The following RHEX variants were observed in gnomAD, a reference collection of about 807,000 sequenced individuals.
RHEX encodes the protein regulator of hemoglobinization and erythroid cell expansion protein.
A neutral mutation model predicts 20.1 loss-of-function variants in RHEX; 18 were observed. The ratio of observed to expected loss-of-function variants is 0.90; its 90% CI spans 0.62 to 1.33. RHEX has a LOEUF of 1.33. Ranked by LOEUF, RHEX falls within the 40% of genes most tolerant of loss-of-function variation. The probability of loss-of-function intolerance (pLI) is 0.00; values close to 1 mark genes in which losing one functional copy is unlikely to be tolerated. For synonymous variants in RHEX, 87 were observed against 77.1 expected (o/e 1.13, Z -0.67); for missense variants, 192 against 214.3 (o/e 0.90, Z 0.65).
intron 1 of RHEX, among the ~76,000 whole-genome samples, chr1:206,077,459 G>A (rs1662655549): frequency 6.6e-6 from 1 of 152,134 alleles, no homozygotes; most frequent in Non-Finnish European, 1.5e-5. Flanking sequence ...CATTAATACT[G>A]CAGAGTAAGT....
At chr1:206,078,537 G>C (rs900616135) in intron 1 of RHEX, among the ~76,000 whole-genome samples, 2 of 151,910 alleles carry the variant, frequency 1.3e-5, no homozygotes, top group African/African-American at 4.8e-5. Flanking sequence ...CTCCAGTATG[G>C]GCAACAGAGT....
intron 1 of RHEX, among the ~76,000 whole-genome samples, chr1:206,057,040 T>A (rs972056271): frequency 1.9e-4 from 29 of 152,354 alleles, no homozygotes; most frequent in African/African-American, 7.0e-4. Context: ...ACATTAGGCA[T>A]TGATGGAAAA....
intron 1 of RHEX, among the ~76,000 whole-genome samples, chr1:206,091,725 G>A (rs927972479): frequency 4.6e-5 from 7 of 152,182 alleles, no homozygotes; most frequent in Non-Finnish European, 8.8e-5. Flanking sequence ...TGAAGTAGTG[G>A]TAATGTCTAT....
chr1:206,081,353 G>A (rs1662731996), intron 1 of RHEX, among the ~76,000 whole-genome samples: 2 of 152,190 alleles, frequency 1.3e-5, no homozygotes, highest in Admixed American at 1.3e-4. Flanking sequence ...GCTATTTAAA[G>A]CAGAGTTGTG....
Position 206,099,659 on chromosome 1 carries a change from C to G in RHEX, c.117C>G (p.His39Gln). The change falls in exon 4 of 6, where the codon CAC becomes CAG. Residue 39 changes from histidine to glutamine, a missense_variant. Physicochemically the swap from His to Gln is conservative, Grantham distance 24. Transcript: ENST00000331555. ...TCCCTGCCCTCTCCCTTCCAGCCCA[C>G]AAGAGTGAACAGATACTGAAAGCGG... is the stretch of plus-strand genomic sequence containing the variant. ...INYLLSRHMA[H>Q]KSEQILKAAS... The G allele has an allele frequency of 1.9e-6, 3 of 1,613,966 alleles. No homozygotes were observed. The highest frequency in any genetic ancestry group is 2.5e-6 in the Non-Finnish European group (3 of 1,179,962).
chr1:206,086,982 C>T (rs1246792970), intron 1 of RHEX, among the ~76,000 whole-genome samples: 1 of 152,154 alleles, frequency 6.6e-6, no homozygotes, highest in Non-Finnish European at 1.5e-5. Context: ...ACACTCCAGC[C>T]TGGGCAACAG....
chr1:206,079,349 A>G (rs1662695400), intron 1 of RHEX, among the ~76,000 whole-genome samples: 1 of 152,198 alleles, frequency 6.6e-6, no homozygotes, highest in South Asian at 2.1e-4. Context: ...GAAGGTCAAT[A>G]TGATGCAAGA....
At position 206,099,658 on chromosome 1, in the gene RHEX, A is replaced by G. The variant is rs781965895; in HGVS notation, c.116A>G (p.His39Arg). 3.1e-6 allele frequency: 5 copies of G among 1,613,800 alleles called. No individual in the cohort carries two copies. Among genetic ancestry groups the G allele is most frequent in the Non-Finnish European group, 4.2e-6 (5 of 1,179,928 alleles). The change falls in exon 4 of 6, where the codon CAC (histidine) becomes CGC (arginine). Residue 39 changes from histidine (H) to arginine (R), a missense_variant. His to Arg is a conservative substitution (Grantham distance 29). Coordinates refer to ENST00000331555, the MANE Select transcript of RHEX (RefSeq NM_001007544.4). ...ATCCCTGCCCTCTCCCTTCCAGCCC[A>G]CAAGAGTGAACAGATACTGAAAGCG... ...INYLLSRHMA[H>R]KSEQILKAAS... is the part of the protein sequence containing the mutation.
At chr1:206,077,526 C>T (rs1553285398) in intron 1 of RHEX, among the ~76,000 whole-genome samples, 1 of 152,074 alleles carries the variant, frequency 6.6e-6, no homozygotes, top group Non-Finnish European at 1.5e-5. Flanking sequence ...AATCCCAGAA[C>T]TTTGGGAGGG....
intron 1 of RHEX, among the ~76,000 whole-genome samples, chr1:206,059,259 C>T (rs1662259652): frequency 6.6e-6 from 1 of 152,172 alleles, no homozygotes; most frequent in South Asian, 2.1e-4. Context: ...TACCCTCCAT[C>T]CAGTAGCTGT....
chr1:206,063,666 T>C (rs1046068127), intron 1 of RHEX, among the ~76,000 whole-genome samples: 16 of 152,262 alleles, frequency 1.1e-4, no homozygotes, highest in African/African-American at 3.9e-4. Flanking sequence ...GGTGCCGGGA[T>C]TGCAGACGGA....
At chr1:206,083,511 G>A in intron 1 of RHEX, 1 of 985,412 alleles carries the variant, frequency 1.0e-6, no homozygotes. Flanking sequence ...CCGCCTTGTT[G>A]GAAATGTTGA....
intron 1 of RHEX, among the ~76,000 whole-genome samples, chr1:206,082,547 T>C (rs1220860829): frequency 2.6e-5 from 4 of 151,920 alleles, no homozygotes; most frequent in African/African-American, 7.3e-5. Flanking sequence ...ATAGCTACCA[T>C]CTGTTGTTCA....
rs76040658 is a variant in RHEX, at chr1:206,067,632, C to G, written c.-97+14367C>G. Reference sequence around the variant, plus strand: ...TGCCAGACAGCTCATCACTGACAACCCACTGGCAGGACATCCTGTTCCCAA... The same window carrying G: ...TGCCAGACAGCTCATCACTGACAACGCACTGGCAGGACATCCTGTTCCCAA... On this transcript the variant is annotated intron_variant, in intron 1 of 5. Coordinates refer to ENST00000331555, the MANE Select transcript of RHEX (RefSeq NM_001007544.4). This position sits in a 1 kb window ranked among gnomAD's most constrained non-coding sequence, Gnocchi z 4.6. Among the ~76,000 whole-genome samples, 8 of 152,248 alleles carry G rather than the reference C, an allele frequency of 5.3e-5. No individual in the cohort carries two copies. The East Asian group carries it at 1.5e-3, about 29-fold the overall frequency.
chr1:206,099,967 A>T (rs1663155720), intron 4 of RHEX, among the ~76,000 whole-genome samples, 169 bp downstream of exon 4: 1 of 152,144 alleles, frequency 6.6e-6, no homozygotes, highest in Admixed American at 6.5e-5. Context: ...AAGGTGTTTT[A>T]TTCTATTTCG....
At chr1:206,096,429 C>A (rs1663069924) in intron 1 of RHEX, among the ~76,000 whole-genome samples, 1 of 152,254 alleles carries the variant, frequency 6.6e-6, no homozygotes, top group African/African-American at 2.4e-5. Context: ...ACTGGTCTAG[C>A]TTCTAGCCCC....
chr1:206,056,868 T>C (rs1662204782), intron 1 of RHEX, among the ~76,000 whole-genome samples: 1 of 152,256 alleles, frequency 6.6e-6, no homozygotes, highest in Non-Finnish European at 1.5e-5. Context: ...GTGTCAATAC[T>C]GGTCTTGCGT....
intron 1 of RHEX, among the ~76,000 whole-genome samples, chr1:206,058,436 AAG>A (rs1411746079): frequency 1.6e-4 from 25 of 152,132 alleles, no homozygotes; most frequent in African/African-American, 5.8e-4. Context: ...GAAATGAGGG[AAG>A]AGAGAGACCC....
At chr1:206,094,169 GGTGT>G (rs66885504) in intron 1 of RHEX, among the ~76,000 whole-genome samples, 4,209 of 148,604 alleles carry the variant, frequency 0.028, 129 homozygotes, top group African/African-American at 0.07. Context: ...CTGGTTATTT[GGTGT>G]GTGTGTGTGT....
Sources: allele counts gnomAD v4.1 joint callset (sites outside exome capture counted in the v4.1 genomes callset), GRCh38; gene constraint gnomAD v4.1.1; non-coding constraint Gnocchi (gnomAD v3.1); transcripts MANE v1.5; gene names NCBI Gene and HGNC (gene_info 2026-07-23, HGNC 2026-07-21).